The following TBC1D14 variants were observed in gnomAD, a reference collection of about 807,000 sequenced individuals.
TBC1D14 encodes TBC1 domain family member 14.
Under a neutral mutation model 79.0 loss-of-function variants are expected in TBC1D14, and 26 were observed. That is an observed-to-expected ratio of 0.33 (90% CI 0.24 to 0.46). The LOEUF is 0.46. Ranked by LOEUF, TBC1D14 falls within the 20% of genes least tolerant of loss-of-function variation. The pLI is 1.00. For missense variants in TBC1D14, 769 were observed against 887.6 expected (o/e 0.87, Z 1.70); for synonymous variants, 394 against 349.9 (o/e 1.13, Z -1.40).
intron 2 of TBC1D14, among the ~76,000 whole-genome samples, chr4:6,953,457 T>TAAAA (rs768801114): frequency 3.5e-4 from 40 of 114,088 alleles, no homozygotes; most frequent in South Asian, 1.6e-3. Flanking sequence ...CCGTCTCTAC[T>TAAAA]AAAAAAAAAA....
intron 3 of TBC1D14, among the ~76,000 whole-genome samples, chr4:6,975,180 C>T (rs1389320321): frequency 6.6e-6 from 1 of 151,540 alleles, no homozygotes; most frequent in Non-Finnish European, 1.5e-5. Context: ...TCCCAAAGTG[C>T]TAGGATTACA....
At chr4:6,971,345 T>C (rs531814775) in intron 3 of TBC1D14, among the ~76,000 whole-genome samples, 1 of 152,368 alleles carries the variant, frequency 6.6e-6, no homozygotes, top group South Asian at 2.1e-4. Context: ...AAGGAATGGA[T>C]GTCTTGACTT....
chr4:7,025,262 G>C lies in TBC1D14; in HGVS notation c.2016G>C (p.Gln672His). 2 of 1,614,124 alleles carry C rather than the reference G, an allele frequency of 1.2e-6. No individual in the cohort carries two copies. Among genetic ancestry groups the C allele is most frequent in the Non-Finnish European group, 8.5e-7 (1 of 1,179,956 alleles). The change falls in exon 13 of 14, where the codon CAG (glutamine) becomes CAC (histidine). Residue 672 changes from glutamine to histidine, a missense_variant and splice_region_variant. Gln to His is a conservative substitution (Grantham distance 24). Coordinates refer to ENST00000409757, the MANE Select transcript of TBC1D14 (RefSeq NM_020773.3). ...AGAGCCGAAACAAGAAGTGGGCTCA[G>C]GTCAGCGGGCTTTGTGTTCTTGGCT... is the stretch of plus-strand genomic sequence containing the variant. ...QMQSRNKKWA[Q>H]VLTALQKDSR...
intron 4 of TBC1D14, among the ~76,000 whole-genome samples, chr4:6,994,899 A>T (rs889160718): frequency 4.0e-5 from 6 of 151,700 alleles, no homozygotes; most frequent in Non-Finnish European, 7.4e-5. Context: ...TGTGTCTTCT[A>T]CTATTTTCTT....
intron 2 of TBC1D14, among the ~76,000 whole-genome samples, chr4:6,958,376 T>TATATACACACACACACACACACACAC (rs538972596): frequency 6.7e-6 from 1 of 149,112 alleles, no homozygotes; most frequent in Non-Finnish European, 1.5e-5. Flanking sequence ...TCCCCACATA[T>TATATACACACACACACACACACACAC]ACACACACAC....
intron 2 of TBC1D14, among the ~76,000 whole-genome samples, chr4:6,956,499 GA>G (rs1444370005): frequency 6.6e-6 from 1 of 152,240 alleles, no homozygotes; most frequent in Non-Finnish European, 1.5e-5. Flanking sequence ...CGCCTACACA[GA>G]CCTGCCATTG....
At chr4:7,002,235 C>G (rs1221204579) in intron 7 of TBC1D14, among the ~76,000 whole-genome samples, 1 of 152,180 alleles carries the variant, frequency 6.6e-6, no homozygotes, top group Non-Finnish European at 1.5e-5. Context: ...AAATCCATAC[C>G]TACCAAAATT....
rs1318634763 is a variant in TBC1D14, at chr4:6,939,493, G to T, written c.722+15382G>T. Among the ~76,000 whole-genome samples the T allele has an allele frequency of 2.0e-5, 3 of 152,190 alleles. 1 individual carries two copies. Among genetic ancestry groups the T allele is most frequent in the Non-Finnish European group, 4.4e-5 (3 of 68,036 alleles). ...GCTGGTGCTCATTAGAACTCAGCAA[G>T]TGCTTGCCAGATGGTTGAATTCAGA... On this transcript the variant is annotated intron_variant, in intron 2 of 13. Coordinates refer to ENST00000409757, the MANE Select transcript of TBC1D14 (RefSeq NM_020773.3).
chr4:6,995,223 A>G (rs1202343071), intron 4 of TBC1D14: 2 of 152,210 alleles, frequency 1.3e-5, no homozygotes, highest in Non-Finnish European at 2.9e-5. Flanking sequence ...GCTTAGAACT[A>G]AGGTGCACAT....
intron 2 of TBC1D14, among the ~76,000 whole-genome samples, chr4:6,932,862 A>G (rs554084356): frequency 3.7e-4 from 57 of 152,252 alleles, no homozygotes; most frequent in Admixed American, 2.9e-3. Flanking sequence ...TGGTGGCTTG[A>G]AACAACATGG....
rs186253596 is a variant in TBC1D14 at position 6,941,730 on chromosome 4, G to A, written c.722+17619G>A. Among the ~76,000 whole-genome samples the A allele has an allele frequency of 5.8e-3, 879 of 152,304 alleles. 11 individuals carry two copies. Among genetic ancestry groups the A allele is most frequent in the Non-Finnish European group, 6.5e-3 (441 of 68,018 alleles). On this transcript the variant is annotated intron_variant, in intron 2 of 13. Transcript: ENST00000409757. ...CCTTAGAAAATGCACAGAGGGCAAGGTTGTTTTGTGGGATGGGGTAAAAGG... is the reference window on the plus strand; with the variant it reads ...CCTTAGAAAATGCACAGAGGGCAAGATTGTTTTGTGGGATGGGGTAAAAGG...
At chr4:6,915,690 C>T (rs1019097528) in intron 1 of TBC1D14, among the ~76,000 whole-genome samples, 1 of 152,144 alleles carries the variant, frequency 6.6e-6, no homozygotes, top group Admixed American at 6.6e-5. Context: ...AAATTGCCAT[C>T]CTGCGGTGCT....
chr4:7,001,631 TG>T (rs1719685232), intron 7 of TBC1D14, among the ~76,000 whole-genome samples: 1 of 152,178 alleles, frequency 6.6e-6, no homozygotes, highest in South Asian at 2.1e-4. Context: ...GTTGGTATTT[TG>T]TGGGATTTTT....
In TBC1D14 at chr4:6,970,011, C is replaced by T. The variant is rs576002471; in HGVS notation, c.843+2587C>T. On this transcript the variant is annotated intron_variant, in intron 3 of 13. Coordinates refer to ENST00000409757, the MANE Select transcript of TBC1D14 (RefSeq NM_020773.3). ...ACTCAGCACTGTGGGGAGGCCTCTG[C>T]GCTGCTGGCTGGGGCTGGCTGCTGT... Among the ~76,000 whole-genome samples the T allele has an allele frequency of 2.5e-3, 388 of 152,242 alleles. 1 individual carries two copies. Among genetic ancestry groups the T allele is most frequent in the Non-Finnish European group, 4.7e-3 (317 of 68,012 alleles).
chr4:7,024,996 C>A lies in TBC1D14; in HGVS notation c.1758-8C>A. The A allele has an allele frequency of 6.2e-7, 1 of 1,611,818 alleles. No individual in the cohort carries two copies. The highest frequency in any genetic ancestry group is 8.5e-7 in the Non-Finnish European group (1 of 1,178,424). On this transcript the variant is annotated splice_polypyrimidine_tract_variant and splice_region_variant and intron_variant, in intron 12 of 13. Coordinates refer to ENST00000409757, the MANE Select transcript of TBC1D14 (RefSeq NM_020773.3). ...AAAATCTGAAAAATTCCAACTTTTACCCCCTAGGATCTTTACCTTATATAG... is the reference window on the plus strand; with the variant it reads ...AAAATCTGAAAAATTCCAACTTTTAACCCCTAGGATCTTTACCTTATATAG...
At chr4:6,927,479 C>A (rs1441577480) in intron 2 of TBC1D14, among the ~76,000 whole-genome samples, 1 of 152,150 alleles carries the variant, frequency 6.6e-6, no homozygotes, top group Non-Finnish European at 1.5e-5. Flanking sequence ...TCTTGGCACT[C>A]CGGAAGTAGT....
At chr4:7,009,774 A>C in intron 9 of TBC1D14, 103 bp from the exon 10 acceptor site, 1 of 1,157,914 alleles carries the variant, frequency 8.6e-7, no homozygotes, top group East Asian at 2.3e-5. Flanking sequence ...CATAATGCTG[A>C]AAATAGCAGG....
At chr4:7,025,395 G>T (rs556546728) in intron 13 of TBC1D14, 133 bp downstream of exon 13, 4 of 1,411,796 alleles carry the variant, frequency 2.8e-6, no homozygotes, top group Non-Finnish European at 3.8e-6. Context: ...ACTGAGGGGG[G>T]CCGGGTGGAG....
chr4:6,985,432 T>C (rs976938217), intron 3 of TBC1D14, among the ~76,000 whole-genome samples: 47 of 152,376 alleles, frequency 3.1e-4, no homozygotes, highest in African/African-American at 1.1e-3. Context: ...CAAAGATTTA[T>C]TTTACGCCTT....
Sources: gnomAD v4.1 joint callset for allele counts (sites outside exome capture counted in the v4.1 genomes callset) on GRCh38, gnomAD v4.1.1 for gene constraint, MANE v1.5 for transcripts, NCBI Gene and HGNC (gene_info 2026-07-23, HGNC 2026-07-21) for gene names.